Variants in GLRA3 observed in about 807,000 individuals in gnomAD.
GLRA3 encodes glycine receptor subunit alpha-3.
In GLRA3, 44 loss-of-function variants were observed where a neutral mutation model predicts 60.4. The ratio of observed to expected loss-of-function variants is 0.73; its 90% CI spans 0.57 to 0.94. The LOEUF is 0.94. Among genes scored for constraint, GLRA3 ranks in the 40% least tolerant of loss-of-function variants. GLRA3 has a pLI of 0.00. For missense variants in GLRA3, 508 were observed against 564.6 expected, an observed-to-expected ratio of 0.90 and a Z score of 1.02; for synonymous variants, 223 against 192.9, an observed-to-expected ratio of 1.16 and a Z score of -1.29.
intron 9 of GLRA3, among the ~76,000 whole-genome samples, chr4:174,654,173 A>G (rs1025162255): frequency 6.6e-6 from 1 of 152,202 alleles, no homozygotes; most frequent in African/African-American, 2.4e-5. Context: ...TAATTAGTGT[A>G]TATGGATGCC....
intron 5 of GLRA3, among the ~76,000 whole-genome samples, chr4:174,688,402 A>T (rs1453743567): frequency 8.1e-6 from 1 of 122,706 alleles, no homozygotes; most frequent in Non-Finnish European, 1.7e-5. Context: ...TATTCATCAG[A>T]TTTTTTATTT....
chr4:174,795,438 A>G (rs1484904539), intron 1 of GLRA3, among the ~76,000 whole-genome samples: 1 of 152,210 alleles, frequency 6.6e-6, no homozygotes, highest in Non-Finnish European at 1.5e-5. Flanking sequence ...CTTAAAATTA[A>G]TAAATGCACA....
At chr4:174,807,511 T>C (rs559007210) in intron 1 of GLRA3, among the ~76,000 whole-genome samples, 2 of 152,172 alleles carry the variant, frequency 1.3e-5, no homozygotes, top group South Asian at 4.1e-4. Context: ...TCAGAAATGA[T>C]AAAAACAGGT....
intron 3 of GLRA3, among the ~76,000 whole-genome samples, chr4:174,739,710 A>G (rs528352232): frequency 6.6e-6 from 1 of 152,198 alleles, no homozygotes; most frequent in Non-Finnish European, 1.5e-5. Context: ...CAAGGTTCCC[A>G]CATTTCTATG....
At chr4:174,793,507 C>T (rs184510833) in intron 1 of GLRA3, among the ~76,000 whole-genome samples, 211 of 151,580 alleles carry the variant, frequency 1.4e-3, no homozygotes, top group Non-Finnish European at 2.5e-3. Context: ...GGCTGGAGTG[C>T]AGCAGCACAA....
At chr4:174,744,957 T>C (rs1156951052) in intron 3 of GLRA3, among the ~76,000 whole-genome samples, 1 of 152,158 alleles carries the variant, frequency 6.6e-6, no homozygotes, top group Admixed American at 6.5e-5. Flanking sequence ...ATAGCTATCT[T>C]AGTGAAGAAC....
At chr4:174,775,897 AT>A (rs1194137143) in intron 2 of GLRA3, among the ~76,000 whole-genome samples, 3 of 12,054 alleles carry the variant, frequency 2.5e-4, no homozygotes, top group Non-Finnish European at 4.2e-4. Context: ...TGGAAAAAAA[AT>A]AATAATTAGT....
chr4:174,665,783 C>T (rs941903168), intron 7 of GLRA3, among the ~76,000 whole-genome samples: 2 of 152,082 alleles, frequency 1.3e-5, no homozygotes, highest in Non-Finnish European at 2.9e-5. Context: ...CTCTAGGATG[C>T]AGCACAAGGT....
At position 174,792,510 on chromosome 4, in the gene GLRA3, T is replaced by C. The variant is rs116027065; in HGVS notation, c.72-3567A>G. On this transcript the variant is annotated intron_variant, in intron 1 of 9. Coordinates refer to ENST00000274093, the MANE Select transcript of GLRA3 (RefSeq NM_006529.4). Reference sequence around the variant, plus strand: ...GGTACTGGCAGGTAGGACTTCAACATAGGAGTGTTGGGAGAAAAAAATTCA... The same window carrying C: ...GGTACTGGCAGGTAGGACTTCAACACAGGAGTGTTGGGAGAAAAAAATTCA... 5.3e-3 allele frequency among the ~76,000 whole-genome samples: 804 copies of C among 152,196 alleles called. 4 individuals carry two copies. Among genetic ancestry groups the C allele is most frequent in the African/African-American group, 0.019 (781 of 41,542 alleles).
At chr4:174,763,547 C>T (rs1738018735) in intron 3 of GLRA3, among the ~76,000 whole-genome samples, 1 of 152,174 alleles carries the variant, frequency 6.6e-6, no homozygotes, top group Admixed American at 6.5e-5. Context: ...CAAAGAAAAC[C>T]TTTCTTTGCA....
intron 7 of GLRA3, among the ~76,000 whole-genome samples, chr4:174,676,289 G>A (rs1331083293): frequency 6.6e-6 from 1 of 151,926 alleles, no homozygotes; most frequent in African/African-American, 2.4e-5. Context: ...CCTTCCTATT[G>A]ACTTATGGTT....
intron 1 of GLRA3, among the ~76,000 whole-genome samples, chr4:174,820,249 A>G (rs1233822046): frequency 6.6e-6 from 1 of 152,228 alleles, no homozygotes; most frequent in Non-Finnish European, 1.5e-5. Context: ...GGAATAAAGA[A>G]AAATAAGCTG....
At chr4:174,686,699 G>T (rs1403132035) in intron 5 of GLRA3, among the ~76,000 whole-genome samples, 1 of 152,148 alleles carries the variant, frequency 6.6e-6, no homozygotes, top group East Asian at 1.9e-4. Flanking sequence ...ATTTGAGCTG[G>T]ATCTTGAAAA....
intron 5 of GLRA3, among the ~76,000 whole-genome samples, chr4:174,705,295 A>G (rs2111061844): frequency 7.0e-6 from 1 of 142,894 alleles, no homozygotes; most frequent in East Asian, 2.3e-4. Context: ...TGCAATGAAA[A>G]CGCCCTAGCA....
At chr4:174,712,369 C>G (rs558686549) in intron 5 of GLRA3, 2 of 152,128 alleles carry the variant, frequency 1.3e-5, no homozygotes, top group South Asian at 4.1e-4. Context: ...CAGGTAGCCT[C>G]TGAAATTCTT....
At chr4:174,670,860 A>C (rs1013889711) in intron 7 of GLRA3, among the ~76,000 whole-genome samples, 1 of 152,144 alleles carries the variant, frequency 6.6e-6, no homozygotes, top group Non-Finnish European at 1.5e-5. Context: ...TTCTTATCAT[A>C]GAATCCACCC....
chr4:174,745,845 T>C (rs1009651730), intron 3 of GLRA3, among the ~76,000 whole-genome samples: 14 of 148,602 alleles, frequency 9.4e-5, no homozygotes, highest in African/African-American at 3.2e-4. Flanking sequence ...AAAACATGAG[T>C]ATACATTTCT....
chr4:174,782,573 T>G (rs1305921290), intron 2 of GLRA3, among the ~76,000 whole-genome samples: 2 of 151,942 alleles, frequency 1.3e-5, no homozygotes, highest in African/African-American at 4.8e-5. Context: ...AAAACCCCAT[T>G]GTCTCAGCCC....
chr4:174,652,040 CAAT>C (rs1733039396), intron 9 of GLRA3, among the ~76,000 whole-genome samples: 1 of 151,770 alleles, frequency 6.6e-6, no homozygotes, highest in African/African-American at 2.4e-5. Flanking sequence ...ATGACCTAAA[CAAT>C]AATTTTAAGC....
Sources: allele counts gnomAD v4.1 joint callset (sites outside exome capture counted in the v4.1 genomes callset), GRCh38; gene constraint gnomAD v4.1.1; transcripts MANE v1.5; gene names NCBI Gene and HGNC (gene_info 2026-07-23, HGNC 2026-07-21).